The following RAPH1 variants were observed in gnomAD, a reference collection of about 807,000 sequenced individuals.
RAPH1 encodes the protein ras-associated and pleckstrin homology domains-containing protein 1.
In RAPH1, 18 loss-of-function variants were observed where a neutral mutation model predicts 88.1. That is an observed-to-expected ratio of 0.20 (90% CI 0.14 to 0.30). The LOEUF is 0.30. RAPH1 is among the 10% of genes least tolerant of loss of function. RAPH1 has a pLI of 1.00. For missense variants in RAPH1, 1,448 were observed against 1,543.2 expected (o/e 0.94, Z 1.03); for synonymous variants, 587 against 559.0 (o/e 1.05, Z -0.71).
intron 1 of RAPH1, among the ~76,000 whole-genome samples, chr2:203,508,324 G>C (rs566869731): frequency 3.0e-4 from 45 of 151,994 alleles, no homozygotes; most frequent in African/African-American, 1.1e-3. Flanking sequence ...GTAGAGACAG[G>C]GTTTCTCCAT....
intron 4 of RAPH1, among the ~76,000 whole-genome samples, chr2:203,471,431 G>A (rs887855880): frequency 2.6e-5 from 4 of 152,100 alleles, no homozygotes; most frequent in Non-Finnish European, 5.9e-5. Flanking sequence ...GGTCAACATG[G>A]TGAAACCCCG....
intron 4 of RAPH1, among the ~76,000 whole-genome samples, chr2:203,462,305 T>A (rs1289930482): frequency 6.6e-6 from 1 of 152,186 alleles, no homozygotes; most frequent in Non-Finnish European, 1.5e-5. Context: ...AACTCTGAAT[T>A]TCCACTCCCT....
intron 2 of RAPH1, among the ~76,000 whole-genome samples, chr2:203,491,659 C>T (rs935218764): frequency 2.0e-5 from 3 of 152,088 alleles, no homozygotes; most frequent in African/African-American, 7.2e-5. Context: ...AGGCATGTGC[C>T]ACCATGCCCG....
At chr2:203,522,895 C>CAAAAAA (rs59862473) in intron 1 of RAPH1, among the ~76,000 whole-genome samples, 120 of 85,028 alleles carry the variant, frequency 1.4e-3, no homozygotes, top group East Asian at 2.6e-3. Context: ...GACTCTGTCT[C>CAAAAAA]AAAAAAAAAA....
At chr2:203,447,482 A>T (rs1581256655) in intron 12 of RAPH1, 1 of 152,430 alleles carries the variant, frequency 6.6e-6, no homozygotes, top group Non-Finnish European at 1.5e-5. Flanking sequence ...GCAAAAATTT[A>T]AAAATTCTGC....
chr2:203,517,359 C>CAAAAAAAAA (rs71408943), intron 1 of RAPH1, among the ~76,000 whole-genome samples: 257 of 31,758 alleles, frequency 8.1e-3, no homozygotes, highest in Middle Eastern at 0.017. Context: ...CTATGAGAGG[C>CAAAAAAAAA]AAAAAAAAAA....
At position 203,434,193 on chromosome 2, in the gene RAPH1, G is replaced by T. The variant is rs1238417138; in HGVS notation, c.*5244C>A. 2.6e-5 allele frequency: 4 copies of T among 152,466 alleles called. No homozygotes were observed. The highest frequency in any genetic ancestry group is 6.5e-5 in the Admixed American group (1 of 15,270). 9.4% of individuals were successfully genotyped at this position (152,466 alleles called of 1,614,324 possible). On this transcript the variant is annotated 3_prime_UTR_variant, in exon 14 of 14. Transcript: ENST00000319170. ...ATTGTAACTTCATCTTCACTGAGCT[G>T]TGCATAATCCTTTGAATAATAATGT...
rs1581247195 is a variant in RAPH1, at chr2:203,442,174, T to C, written c.1777-761A>G. 7 of 1,290,560 alleles carry C rather than the reference T, an allele frequency of 5.4e-6. No homozygotes were observed. The East Asian group carries it at 1.9e-4, about 34-fold the overall frequency. 79.9% of individuals were successfully genotyped at this position (1,290,560 alleles called of 1,614,324 possible). ...AAGCCAGAAGAAATTAAGAGGAAGCTCTGGAAGGCTAGAATAAAGAAAATG... is the reference window on the plus strand; with the variant it reads ...AAGCCAGAAGAAATTAAGAGGAAGCCCTGGAAGGCTAGAATAAAGAAAATG... On this transcript the variant is annotated intron_variant, in intron 13 of 13. Transcript: ENST00000319170.
chr2:203,474,285 G>C (rs1158281278), intron 4 of RAPH1, among the ~76,000 whole-genome samples: 2 of 152,138 alleles, frequency 1.3e-5, no homozygotes, highest in Non-Finnish European at 2.9e-5. Flanking sequence ...AGGAGAGGGA[G>C]AGTTACTGGT....
intron 13 of RAPH1, chr2:203,443,208 T>C (rs930047964): frequency 1.3e-5 from 2 of 152,188 alleles, no homozygotes; most frequent in African/African-American, 4.8e-5. Context: ...TGTCCATTTA[T>C]TCTCATTCGT....
At chr2:203,493,269 G>A (rs770073871) in intron 2 of RAPH1, among the ~76,000 whole-genome samples, 1 of 152,144 alleles carries the variant, frequency 6.6e-6, no homozygotes, top group Non-Finnish European at 1.5e-5. Flanking sequence ...AAAGTACAAG[G>A]TATCAAACCA....
intron 1 of RAPH1, among the ~76,000 whole-genome samples, chr2:203,506,842 ATATCTATCTATATC>A (rs1689076617): frequency 4.1e-5 from 2 of 48,596 alleles, no homozygotes; most frequent in South Asian, 6.4e-4. Flanking sequence ...CTATATCTAT[ATATCTATCTATATC>A]TATATATATA....
chr2:203,511,738 TTC>T (rs1689350340), intron 1 of RAPH1, among the ~76,000 whole-genome samples: 1 of 152,186 alleles, frequency 6.6e-6, no homozygotes, highest in African/African-American at 2.4e-5. Flanking sequence ...AACCTGTGAG[TTC>T]TCTTTCAGTA....
rs770579835 is a variant in RAPH1, at chr2:203,489,936, G to A, written c.380C>T (p.Thr127Ile). Reference protein sequence around the residue: ...ATQKLPVSRHTLKHGTLKGLS... With the variant: ...ATQKLPVSRHILKHGTLKGLS... ...TCCTTTCAAGGTGCCATGTTTCAAT[G>A]TATGTCGGCTAACAGGCAATTTCTG... The change falls in exon 4 of 14, where the codon ACA becomes ATA. Residue 127 changes from threonine (T) to isoleucine (I), a missense_variant. This residue lies in a region of RAPH1 where 513 missense variants were observed against 653.1 expected (regional missense o/e 0.79). Coordinates refer to ENST00000319170, the MANE Select transcript of RAPH1 (RefSeq NM_213589.3). 8.1e-6 allele frequency: 13 copies of A among 1,614,210 alleles called. 1 individual carries two copies. In the South Asian group the frequency reaches 1.3e-4, roughly 16 times the overall value.
At chr2:203,457,722 A>T in intron 7 of RAPH1, 127 bp from the exon 8 acceptor site, 1 of 758,190 alleles carries the variant, frequency 1.3e-6, no homozygotes, top group Non-Finnish European at 2.3e-6. Context: ...AGCAACTCTG[A>T]TTTCTGTTGG....
intron 1 of RAPH1, among the ~76,000 whole-genome samples, chr2:203,503,145 AAAACAAACAAAC>A (rs547655158): frequency 6.6e-6 from 1 of 152,186 alleles, no homozygotes; most frequent in South Asian, 2.1e-4. Context: ...CTCTGTCTCA[AAAACAAACAAAC>A]AAACAAACAA....
intron 1 of RAPH1, among the ~76,000 whole-genome samples, chr2:203,509,066 A>AT (rs34628795): frequency 0.018 from 2,208 of 120,452 alleles, 32 homozygotes; most frequent in Non-Finnish European, 0.027. Context: ...TTAAAAAATA[A>AT]TTTTTTTTTT....
chr2:203,506,902 T>A (rs28793094), intron 1 of RAPH1, among the ~76,000 whole-genome samples: 7,227 of 110,170 alleles, frequency 0.066, 642 homozygotes, highest in Non-Finnish European at 0.099. Flanking sequence ...ATATATATTT[T>A]TTTTTTTTTT....
At chr2:203,510,943 T>C (rs930130146) in intron 1 of RAPH1, among the ~76,000 whole-genome samples, 28 of 151,904 alleles carry the variant, frequency 1.8e-4, no homozygotes, top group Admixed American at 1.1e-3. Flanking sequence ...TATCTCAATT[T>C]AAAAAAAACT....
Sources: allele counts gnomAD v4.1 joint callset (sites outside exome capture counted in the v4.1 genomes callset), GRCh38; gene constraint gnomAD v4.1.1; regional missense constraint gnomAD v4.1.1; transcripts MANE v1.5; gene names NCBI Gene and HGNC (gene_info 2026-07-23, HGNC 2026-07-21).